Variants in UGT2B15 observed in about 807,000 individuals in gnomAD.
The protein encoded by UGT2B15 is UDP-glucuronosyltransferase 2B15.
A neutral mutation model predicts 45.9 loss-of-function variants in UGT2B15; 36 were observed. That is an observed-to-expected ratio of 0.78 (90% CI 0.60 to 1.04). The LOEUF (loss-of-function observed/expected upper bound fraction) is 1.04, where lower values mean the gene tolerates loss of function less well. Ranked by LOEUF, UGT2B15 falls within the 50% of genes least tolerant of loss-of-function variation. UGT2B15 has a pLI of 0.00. For synonymous variants in UGT2B15, 219 were observed against 216.4 expected, an observed-to-expected ratio of 1.01 and a Z score of -0.11; for missense variants, 617 against 622.4, an observed-to-expected ratio of 0.99 and a Z score of 0.09.
At chr4:68,665,904 A>T (rs1295284472) in intron 2 of UGT2B15, among the ~76,000 whole-genome samples, 1 of 152,090 alleles carries the variant, frequency 6.6e-6, no homozygotes, top group Non-Finnish European at 1.5e-5. Flanking sequence ...AAGATTAGTC[A>T]GATGTGTTGG....
At position 68,646,828 on chromosome 4, in the gene UGT2B15, G is replaced by A. The variant is rs1006415181; in HGVS notation, c.*276C>T. The A allele has an allele frequency of 1.5e-4, 59 of 394,634 alleles. No homozygotes were observed. The highest frequency in any genetic ancestry group is 7.2e-4 in the Admixed American group (18 of 25,028). 24.4% of individuals were successfully genotyped at this position (394,634 alleles called of 1,614,324 possible). On this transcript the variant is annotated 3_prime_UTR_variant, in exon 6 of 6. Transcript: ENST00000338206. ...ATATGTATACATGTGCCATGTTGGC[G>A]TGCTGCATCCAGTAACTCGTCATTT...
intron 5 of UGT2B15, among the ~76,000 whole-genome samples, chr4:68,651,895 T>C (rs1334596456): frequency 6.6e-6 from 1 of 152,108 alleles, no homozygotes; most frequent in African/African-American, 2.4e-5. Flanking sequence ...GTAGTTTTTT[T>C]CTAATTCTGT....
chr4:68,662,292 A>T (rs921349116), intron 3 of UGT2B15, among the ~76,000 whole-genome samples: 1 of 152,024 alleles, frequency 6.6e-6, no homozygotes, highest in Non-Finnish European at 1.5e-5. Context: ...TTAATAATGC[A>T]CATAGTCTAC....
chr4:68,655,329 C>G (rs1732773308), intron 3 of UGT2B15, 147 bp from the exon 4 acceptor site: 1 of 1,037,496 alleles, frequency 9.6e-7, no homozygotes, highest in South Asian at 1.8e-5. Flanking sequence ...ATGAGAACTA[C>G]TAAAAGTTTG....
intron 5 of UGT2B15, among the ~76,000 whole-genome samples, chr4:68,648,407 C>G (rs1312452357): frequency 6.6e-6 from 1 of 152,048 alleles, no homozygotes; most frequent in East Asian, 1.9e-4. Context: ...TTTCTTGCAA[C>G]TACTTGAGGT....
chr4:68,666,733 C>CATAT (rs975003043), intron 2 of UGT2B15, among the ~76,000 whole-genome samples: 23 of 136,350 alleles, frequency 1.7e-4, no homozygotes, highest in African/African-American at 4.8e-4. Flanking sequence ...TATCAAATTA[C>CATAT]ATATATATAT....
chr4:68,654,039 A>C lies in UGT2B15; in HGVS notation c.1311T>G (p.Pro437=). 1 of 1,612,950 alleles carries C rather than the reference A, an allele frequency of 6.2e-7. No homozygotes were observed. The highest frequency in any genetic ancestry group is 8.5e-7 in the Non-Finnish European group (1 of 1,179,152). ...LNALKSVIND[P]VYKENVMKLS... Reference sequence around the variant, plus strand: ...GGTCACAAAACTGTAATACTCACACAGGGTCATTAATGACTGACTTCAATG... The same window carrying C: ...GGTCACAAAACTGTAATACTCACACCGGGTCATTAATGACTGACTTCAATG... The change falls in exon 5 of 6, where the codon CCT becomes CCG. Residue 437 remains proline, a splice_region_variant and synonymous_variant. Coordinates refer to ENST00000338206, the MANE Select transcript of UGT2B15 (RefSeq NM_001076.4).
chr4:68,659,284 TAA>T (rs1732894294), intron 3 of UGT2B15, among the ~76,000 whole-genome samples: 1 of 151,978 alleles, frequency 6.6e-6, no homozygotes, highest in Admixed American at 6.6e-5. Flanking sequence ...CCTGTGATAT[TAA>T]GTGTTTTAAA....
In UGT2B15 at chr4:68,654,027, T is replaced by C. The variant is rs371059046; in HGVS notation, c.1313+10A>G. 8.1e-6 allele frequency: 13 copies of C among 1,611,042 alleles called. No homozygotes were observed. The highest frequency in any genetic ancestry group is 9.3e-6 in the Non-Finnish European group (11 of 1,177,782). On this transcript the variant is annotated intron_variant, in intron 5 of 5. Coordinates refer to ENST00000338206, the MANE Select transcript of UGT2B15 (RefSeq NM_001076.4). ...TAAATACCACCTGGTCACAAAACTG[T>C]AATACTCACACAGGGTCATTAATGA...
chr4:68,670,447 A>T lies in UGT2B15; in HGVS notation c.172T>A (p.Ser58Thr). The change falls in exon 1 of 6, where the codon TCT (serine) becomes ACT (threonine). Residue 58 changes from serine (S) to threonine (T), a missense_variant. By Grantham distance (58) the Ser-to-Thr change is moderately conservative. Transcript: ENST00000338206. Reference sequence around the variant, plus strand: ...GCATTGACAAGAGTAGAAGCCGAAGATGTCAACACAGTCACCTCATGACCC... The same window carrying T: ...GCATTGACAAGAGTAGAAGCCGAAGTTGTCAACACAGTCACCTCATGACCC... ...QRGHEVTVLTSSASTLVNASK... is the reference protein window; with the variant it reads ...QRGHEVTVLTTSASTLVNASK... 1.2e-6 allele frequency: 2 copies of T among 1,613,940 alleles called. No homozygotes were observed. The highest frequency in any genetic ancestry group is 2.2e-5 in the South Asian group (2 of 91,022).
Position 68,670,234 on chromosome 4 carries a change from TAC to T in UGT2B15, c.383_384del (p.Cys128Ter), listed in dbSNP as rs1560613245. ...AGTTTCTTATTCAAAACTGCATCTTTACAGAGCTTGTTACTGTAGTCATAATA... is the reference window on the plus strand; with the variant it reads ...AGTTTCTTATTCAAAACTGCATCTTTAGAGCTTGTTACTGTAGTCATAATA... Reference protein sequence around the residue: ...WEYYDYSNKLCKDAVLNKKLM... With the variant: ...WEYYDYSNKLXKDAVLNKKLM... On this transcript the variant is annotated frameshift_variant, in exon 1 of 6. Coordinates refer to ENST00000338206, the MANE Select transcript of UGT2B15 (RefSeq NM_001076.4). LOFTEE classifies it high-confidence loss of function. 21 of 1,613,870 alleles carry T rather than the reference TAC, an allele frequency of 1.3e-5. No individual in the cohort carries two copies. The highest frequency in any genetic ancestry group is 2.7e-5 in the African/African-American group (2 of 74,920).
At position 68,667,478 on chromosome 4, in the gene UGT2B15, T is replaced by C. The variant is rs192221113; in HGVS notation, c.873+562A>G. Among the ~76,000 whole-genome samples, 29 of 152,232 alleles carry C rather than the reference T, an allele frequency of 1.9e-4. No individual in the cohort carries two copies. In the East Asian group the frequency reaches 5.6e-3, roughly 29 times the overall value. Reference sequence around the variant, plus strand: ...GGTGTGAGCCACCTTGCCTGGCCTCTGGTTTTCTTTTTGGGTGTTTATCAA... The same window carrying C: ...GGTGTGAGCCACCTTGCCTGGCCTCCGGTTTTCTTTTTGGGTGTTTATCAA... On this transcript the variant is annotated intron_variant, in intron 2 of 5. Transcript: ENST00000338206.
intron 1 of UGT2B15, among the ~76,000 whole-genome samples, chr4:68,668,619 T>C (rs1193736687): frequency 1.3e-5 from 2 of 149,392 alleles, no homozygotes; most frequent in East Asian, 3.9e-4. Flanking sequence ...CTCCATGCTG[T>C]TCTCATGATA....
chr4:68,655,582 C>G (rs181605249), intron 3 of UGT2B15, among the ~76,000 whole-genome samples: 20 of 152,128 alleles, frequency 1.3e-4, no homozygotes, highest in Non-Finnish European at 2.4e-4. Flanking sequence ...TGCCTCATTT[C>G]GAGAGGCTAA....
At chr4:68,647,918 T>C (rs1233244159) in intron 5 of UGT2B15, among the ~76,000 whole-genome samples, 3 of 151,982 alleles carry the variant, frequency 2.0e-5, no homozygotes, top group Non-Finnish European at 4.4e-5. Flanking sequence ...TATGAGGTGT[T>C]GCTGTAGTGC....
rs145967856 is a variant in UGT2B15, at chr4:68,660,672, C to T, written c.1005+2336G>A. Reference sequence around the variant, plus strand: ...TCTAGTCTTGCCTAATGTTTTTCAACTTTTATTACTGTCTACAGTTTGGAC... The same window carrying T: ...TCTAGTCTTGCCTAATGTTTTTCAATTTTTATTACTGTCTACAGTTTGGAC... On this transcript the variant is annotated intron_variant, in intron 3 of 5. Transcript: ENST00000338206. 4.2e-3 allele frequency among the ~76,000 whole-genome samples: 644 copies of T among 151,964 alleles called. 4 individuals are homozygous for T. The highest frequency in any genetic ancestry group is 0.011 in the African/African-American group (472 of 41,454).
At position 68,667,143 on chromosome 4, in the gene UGT2B15, C is replaced by A. The variant is rs554980870; in HGVS notation, c.873+897G>T. On this transcript the variant is annotated intron_variant, in intron 2 of 5. Coordinates refer to ENST00000338206, the MANE Select transcript of UGT2B15 (RefSeq NM_001076.4). Reference sequence around the variant, plus strand: ...TTCTACTTTTCTGCCTTAATGCAAGCCTTTACTTTTTTTTTTTTTGTTTAT... The same window carrying A: ...TTCTACTTTTCTGCCTTAATGCAAGACTTTACTTTTTTTTTTTTTGTTTAT... Among the ~76,000 whole-genome samples the A allele has an allele frequency of 2.0e-4, 31 of 151,680 alleles. 1 individual carries two copies. Among genetic ancestry groups the A allele is most frequent in the African/African-American group, 5.8e-4 (24 of 41,360 alleles).
At position 68,659,541 on chromosome 4, in the gene UGT2B15, T is replaced by C. The variant is rs764949540; in HGVS notation, c.1005+3467A>G. Reference sequence around the variant, plus strand: ...ATGGGAAACTCCTATAATTCTGATATGACTTAGTGTGTACGTTATCAGTAA... The same window carrying C: ...ATGGGAAACTCCTATAATTCTGATACGACTTAGTGTGTACGTTATCAGTAA... On this transcript the variant is annotated intron_variant, in intron 3 of 5. Coordinates refer to ENST00000338206, the MANE Select transcript of UGT2B15 (RefSeq NM_001076.4). 6.6e-5 allele frequency among the ~76,000 whole-genome samples: 10 copies of C among 152,002 alleles called. 1 individual carries two copies. The highest frequency in any genetic ancestry group is 1.2e-4 in the Non-Finnish European group (8 of 67,944).
chr4:68,648,776 T>C (rs1017218632), intron 5 of UGT2B15, among the ~76,000 whole-genome samples: 6 of 152,126 alleles, frequency 3.9e-5, no homozygotes, highest in Non-Finnish European at 8.8e-5. Flanking sequence ...TCTGATATCA[T>C]AGATTAGTAT....
Sources: allele counts gnomAD v4.1 joint callset (sites outside exome capture counted in the v4.1 genomes callset), GRCh38; gene constraint gnomAD v4.1.1; transcripts MANE v1.5; gene names NCBI Gene and HGNC (gene_info 2026-07-23, HGNC 2026-07-21).